Variants in RYR3 observed in about 807,000 individuals in gnomAD.
RYR3 encodes brain ryanodine receptor-calcium release channel.
Under a neutral mutation model 584.3 loss-of-function variants are expected in RYR3, and 207 were observed. The observed-to-expected ratio is 0.35, with a 90% CI of 0.32 to 0.40. The LOEUF (loss-of-function observed/expected upper bound fraction) is 0.40. Ranked by LOEUF, RYR3 falls within the 10% of genes least tolerant of loss-of-function variation. The probability of loss-of-function intolerance (pLI) is 1.00; values close to 1 mark genes in which losing one functional copy is unlikely to be tolerated. For synonymous variants in RYR3, 2,416 were observed against 2,248.5 expected, an observed-to-expected ratio of 1.07 and a Z score of -2.11; for missense variants, 5,616 against 6,089.2, an observed-to-expected ratio of 0.92 and a Z score of 2.59.
At chr15:33,572,658 TACACAC>T (rs57835355) in intron 12 of RYR3, among the ~76,000 whole-genome samples, 1 of 124,504 alleles carries the variant, frequency 8.0e-6, no homozygotes, top group South Asian at 2.7e-4. Context: ...AAACTATATA[TACACAC>T]ACACACACAC....
intron 18 of RYR3, among the ~76,000 whole-genome samples, chr15:33,611,124 T>C (rs2060162793): frequency 6.6e-6 from 1 of 152,210 alleles, no homozygotes; most frequent in Non-Finnish European, 1.5e-5. Context: ...GGGGATTTTT[T>C]TAAATTACCT....
chr15:33,838,125 A>C lies in RYR3; in HGVS notation c.12145A>C (p.Ser4049Arg), dbSNP rs758001086. The change falls in exon 89 of 104, where the codon AGT becomes CGT. Residue 4049 changes from serine to arginine, a missense_variant. Ser to Arg is a moderately radical substitution (Grantham distance 110). Coordinates refer to ENST00000634891, the MANE Select transcript of RYR3 (RefSeq NM_001036.6). ...GATTGAGCGTGTTTATTTTGAGATCAGTGAATCCAGTCGCACTCAGTGGGA... is the reference window on the plus strand; with the variant it reads ...GATTGAGCGTGTTTATTTTGAGATCCGTGAATCCAGTCGCACTCAGTGGGA... ...KKIERVYFEISESSRTQWEKP... is the reference protein window; with the variant it reads ...KKIERVYFEIRESSRTQWEKP... 1 of 1,614,006 alleles carries C rather than the reference A, an allele frequency of 6.2e-7. No homozygotes were observed. The highest frequency in any genetic ancestry group is 1.1e-5 in the South Asian group (1 of 91,078).
At chr15:33,664,847 C>A (rs890351216) in intron 36 of RYR3, among the ~76,000 whole-genome samples, 6 of 152,028 alleles carry the variant, frequency 3.9e-5, no homozygotes, top group Admixed American at 1.3e-4. Context: ...CATCCAATTA[C>A]TTTCCTAACC....
intron 69 of RYR3, among the ~76,000 whole-genome samples, chr15:33,803,184 AC>A (rs1489686339): frequency 6.6e-6 from 1 of 152,252 alleles, no homozygotes; most frequent in Non-Finnish European, 1.5e-5. Flanking sequence ...CTAAGTATAC[AC>A]TTTTAGTATG....
intron 1 of RYR3, among the ~76,000 whole-genome samples, chr15:33,339,214 G>A (rs533241196): frequency 6.6e-6 from 1 of 152,388 alleles, no homozygotes; most frequent in South Asian, 2.1e-4. Flanking sequence ...CTGGAGAGGT[G>A]TGGCTGCTAC....
intron 15 of RYR3, among the ~76,000 whole-genome samples, chr15:33,584,705 A>C (rs746647053): frequency 3.3e-5 from 5 of 151,894 alleles, no homozygotes; most frequent in Non-Finnish European, 7.4e-5. Flanking sequence ...TTCCTTTTTA[A>C]ATTTTTTACT....
chr15:33,856,857 C>A (rs1049108554), intron 98 of RYR3: 2 of 152,256 alleles, frequency 1.3e-5, no homozygotes, highest in Non-Finnish European at 2.9e-5. Flanking sequence ...CAGGGTTTCA[C>A]CATGTTGGCC....
intron 1 of RYR3, among the ~76,000 whole-genome samples, chr15:33,410,290 C>T (rs992632972): frequency 6.6e-6 from 1 of 152,174 alleles, no homozygotes; most frequent in Admixed American, 6.5e-5. Context: ...GAACAGGAGC[C>T]TTTGATTCTT....
chr15:33,681,362 G>A (rs1362767522), intron 38 of RYR3, among the ~76,000 whole-genome samples: 1 of 152,192 alleles, frequency 6.6e-6, no homozygotes, highest in East Asian at 1.9e-4. Flanking sequence ...GAGGTCACAA[G>A]TCAACAGTAG....
In RYR3 at chr15:33,498,180, T is replaced by C. The variant is rs184719955; in HGVS notation, c.172-5451T>C. On this transcript the variant is annotated intron_variant, in intron 2 of 103. Transcript: ENST00000634891. ...TGCAATAAGCATGGGAGTGCAGATA[T>C]CTCTTCAATATACTGATTTCATTTT... is the stretch of plus-strand genomic sequence containing the variant. Among the ~76,000 whole-genome samples, 26 of 152,330 alleles carry C rather than the reference T, an allele frequency of 1.7e-4. 2 individuals carry two copies. Among genetic ancestry groups the C allele is most frequent in the Admixed American group, 1.6e-3 (25 of 15,296 alleles).
At chr15:33,312,341 T>A (rs938501711) in intron 1 of RYR3, among the ~76,000 whole-genome samples, 3 of 148,216 alleles carry the variant, frequency 2.0e-5, no homozygotes, top group Admixed American at 1.3e-4. Context: ...CTTCCAAACA[T>A]GGTTCTTTTG....
rs561947889 is a variant in RYR3 at position 33,631,296 on chromosome 15, A to G, written c.2867+3A>G. ...AAGAAGGTCAAACTGCCCAAAAAGTAGGTGATTTTTTTTTTAATGGTTCAA... is the reference window on the plus strand; with the variant it reads ...AAGAAGGTCAAACTGCCCAAAAAGTGGGTGATTTTTTTTTTAATGGTTCAA... On this transcript the variant is annotated splice_donor_region_variant and intron_variant, in intron 23 of 103. Coordinates refer to ENST00000634891, the MANE Select transcript of RYR3 (RefSeq NM_001036.6). The G allele has an allele frequency of 8.3e-6, 13 of 1,566,192 alleles. No homozygotes were observed. Among genetic ancestry groups the G allele is most frequent in the African/African-American group, 1.4e-5 (1 of 73,822 alleles).
chr15:33,627,531 T>C (rs1287090115), intron 20 of RYR3, among the ~76,000 whole-genome samples: 1 of 152,126 alleles, frequency 6.6e-6, no homozygotes, highest in East Asian at 1.9e-4. Flanking sequence ...GGAGTATTAA[T>C]AAGGGTTAAG....
At chr15:33,860,717 G>T in intron 101 of RYR3, 58 bp downstream of exon 101, 1 of 1,281,138 alleles carries the variant, frequency 7.8e-7, no homozygotes, top group Non-Finnish European at 1.1e-6. Context: ...GAAGCAAATA[G>T]ATTTTTTAAA....
At chr15:33,710,587 A>C (rs752436048) in intron 43 of RYR3, among the ~76,000 whole-genome samples, 1 of 151,936 alleles carries the variant, frequency 6.6e-6, no homozygotes, top group Non-Finnish European at 1.5e-5. Context: ...CTCCAACCCC[A>C]CATTTCCCGT....
At chr15:33,819,889 G>A in intron 77 of RYR3, 82 bp downstream of exon 77, 1 of 1,056,702 alleles carries the variant, frequency 9.5e-7, no homozygotes, top group Non-Finnish European at 1.4e-6. Flanking sequence ...TTGTCATGTT[G>A]AATAGCAGGC....
intron 95 of RYR3, among the ~76,000 whole-genome samples, 181 bp from the exon 96 acceptor site, chr15:33,853,374 C>A (rs1269898526): frequency 6.6e-6 from 1 of 152,208 alleles, no homozygotes; most frequent in East Asian, 1.9e-4. Context: ...AAACAGTTAT[C>A]ATTTAATTGT....
intron 36 of RYR3, among the ~76,000 whole-genome samples, chr15:33,668,063 G>GGAAAAA (rs530580495): frequency 2.0e-5 from 2 of 97,622 alleles, no homozygotes; most frequent in African/African-American, 8.0e-5. Context: ...ACTCAGTCTT[G>GGAAAAA]AAAAAAAAAA....
At chr15:33,626,737 C>A (rs954667079) in intron 20 of RYR3, among the ~76,000 whole-genome samples, 1 of 152,138 alleles carries the variant, frequency 6.6e-6, no homozygotes. Context: ...CTAAAAGGGG[C>A]CAAGGTACAG....
Sources: allele counts gnomAD v4.1 joint callset (sites outside exome capture counted in the v4.1 genomes callset), GRCh38; gene constraint gnomAD v4.1.1; transcripts MANE v1.5; gene names NCBI Gene and HGNC (gene_info 2026-07-23, HGNC 2026-07-21).